Variants in CRPPA observed in about 807,000 individuals in gnomAD.
The protein encoded by CRPPA is D-ribitol-5-phosphate cytidylyltransferase.
Under a neutral mutation model 52.0 loss-of-function variants are expected in CRPPA, and 43 were observed. The ratio of observed to expected loss-of-function variants is 0.83; its 90% CI spans 0.65 to 1.07. The LOEUF (loss-of-function observed/expected upper bound fraction) is 1.07. Ranked by LOEUF, CRPPA falls within the 50% of genes least tolerant of loss-of-function variation. The pLI is 0.00. For synonymous variants in CRPPA, 250 were observed against 203.5 expected, an observed-to-expected ratio of 1.23 and a Z score of -1.94; for missense variants, 629 against 551.7, an observed-to-expected ratio of 1.14 and a Z score of -1.40.
intron 9 of CRPPA, among the ~76,000 whole-genome samples, chr7:16,136,678 C>T (rs534344144): frequency 1.6e-4 from 25 of 152,120 alleles, no homozygotes; most frequent in Non-Finnish European, 2.6e-4. Context: ...GTCTCCATTA[C>T]GTTAAGTATG....
intron 8 of CRPPA, among the ~76,000 whole-genome samples, chr7:16,217,026 G>A (rs1782344354): frequency 1.3e-5 from 2 of 151,664 alleles, no homozygotes; most frequent in African/African-American, 2.4e-5. Flanking sequence ...AACGTCTGCA[G>A]ACTTAAATGT....
rs187326274 is a variant in CRPPA, at chr7:16,277,589, T to C, written c.933+540A>G. Among the ~76,000 whole-genome samples, 244 of 152,264 alleles carry C rather than the reference T, an allele frequency of 1.6e-3. 3 individuals are homozygous for C. Among genetic ancestry groups the C allele is most frequent in the African/African-American group, 5.6e-3 (231 of 41,558 alleles). ...CATAAAAATGATTAATGGCAGTGCT[T>C]GGTGGTAAAATTATAAAGAGTTCCT... On this transcript the variant is annotated intron_variant, in intron 6 of 9. Coordinates refer to ENST00000407010, the MANE Select transcript of CRPPA (RefSeq NM_001101426.4).
chr7:16,123,593 G>T (rs4721475), intron 9 of CRPPA, among the ~76,000 whole-genome samples: 75,811 of 151,842 alleles, frequency 0.5, 19,391 homozygotes, highest in East Asian at 0.78. Context: ...CCAGTAAATA[G>T]CATGTAATAG....
chr7:16,399,466 A>T (rs1787732037), intron 2 of CRPPA, among the ~76,000 whole-genome samples: 1 of 151,818 alleles, frequency 6.6e-6, no homozygotes, highest in Non-Finnish European at 1.5e-5. Context: ...CTGATACGAG[A>T]TTGACAAGAC....
rs543251487 is a variant in CRPPA, at chr7:16,200,461, T to C, written c.1251+15605A>G. ...ACAATGATCATGTGGGAGTACTACA[T>C]GCATGATCTAAATTAAACTTTCTCT... On this transcript the variant is annotated intron_variant, in intron 9 of 9. Coordinates refer to ENST00000407010, the MANE Select transcript of CRPPA (RefSeq NM_001101426.4). Among the ~76,000 whole-genome samples, 374 of 152,312 alleles carry C rather than the reference T, an allele frequency of 2.5e-3. 3 individuals are homozygous for C. The highest frequency in any genetic ancestry group is 8.6e-3 in the African/African-American group (359 of 41,580).
intron 6 of CRPPA, among the ~76,000 whole-genome samples, chr7:16,273,910 C>T (rs1784148147): frequency 6.6e-6 from 1 of 152,144 alleles, no homozygotes; most frequent in Non-Finnish European, 1.5e-5. Context: ...GCTCCCTGTC[C>T]CATGAGAGGT....
chr7:16,378,400 G>A (rs924540490), intron 2 of CRPPA, among the ~76,000 whole-genome samples: 4 of 150,882 alleles, frequency 2.7e-5, no homozygotes, highest in Admixed American at 6.6e-5. Context: ...TGAGAATGAT[G>A]ATTTCCAATT....
intron 3 of CRPPA, among the ~76,000 whole-genome samples, chr7:16,340,212 A>G (rs1785786628): frequency 6.6e-6 from 1 of 152,116 alleles, no homozygotes; most frequent in African/African-American, 2.4e-5. Context: ...TTTAGGTAAA[A>G]CCCTAAAGGA....
chr7:16,200,114 T>A (rs1781818165), intron 9 of CRPPA, among the ~76,000 whole-genome samples: 1 of 152,144 alleles, frequency 6.6e-6, no homozygotes, highest in Non-Finnish European at 1.5e-5. Context: ...CACCTTGGCC[T>A]CCCAAAGTGC....
chr7:16,156,043 CT>C (rs1783172955), intron 9 of CRPPA, among the ~76,000 whole-genome samples: 1 of 143,116 alleles, frequency 7.0e-6, no homozygotes, highest in African/African-American at 2.6e-5. Flanking sequence ...AGGACTACAT[CT>C]TTTTTATATA....
chr7:16,333,465 A>G (rs917310684), intron 3 of CRPPA, among the ~76,000 whole-genome samples: 2 of 152,242 alleles, frequency 1.3e-5, no homozygotes, highest in Admixed American at 1.3e-4. Flanking sequence ...ACCTCTAAAT[A>G]ATACATGTGT....
rs773884120 is a variant in CRPPA, at chr7:16,258,929, A to T, written c.1017T>A (p.Val339=). ...ATTTGAATTGACTTACATTCACACA[A>T]ACAAAATTGTAGCATTGATCTAAGA... ...QIILDQCYNF[V]CVNVTTSDFQ... Residue 339 remains valine (V), a synonymous_variant, in exon 7 of 10, where the codon GTT becomes GTA. Coordinates refer to ENST00000407010, the MANE Select transcript of CRPPA (RefSeq NM_001101426.4). 6 of 1,607,902 alleles carry T rather than the reference A, an allele frequency of 3.7e-6. No homozygotes were observed. The Admixed American group carries it at 1.0e-4, about 27-fold the overall frequency.
chr7:16,222,732 T>G (rs1338704799), intron 8 of CRPPA, among the ~76,000 whole-genome samples: 6 of 152,118 alleles, frequency 3.9e-5, no homozygotes, highest in Admixed American at 3.9e-4. Context: ...CTAAGAGGGC[T>G]TTTATAGAGA....
chr7:16,203,343 G>A (rs1781899016), intron 9 of CRPPA, among the ~76,000 whole-genome samples: 1 of 152,078 alleles, frequency 6.6e-6, no homozygotes, highest in Non-Finnish European at 1.5e-5. Context: ...CCTGGATCCA[G>A]GTGTGGACAA....
chr7:16,386,569 T>C (rs991006158), intron 2 of CRPPA, among the ~76,000 whole-genome samples: 2 of 152,136 alleles, frequency 1.3e-5, no homozygotes, highest in Non-Finnish European at 2.9e-5. Context: ...GTCTATAACA[T>C]ATTGAACTGT....
chr7:16,182,305 A>T (rs1044058868), intron 9 of CRPPA, among the ~76,000 whole-genome samples: 4 of 152,106 alleles, frequency 2.6e-5, no homozygotes, highest in Non-Finnish European at 4.4e-5. Context: ...TATGAAATAT[A>T]AAAAGATTTA....
rs568139950 is a variant in CRPPA at position 16,175,255 on chromosome 7, CTAAAG to C, written c.1251+40806_1251+40810del. The stretch of plus-strand genomic sequence containing the variant: ...ATATAAACCCAAATCACAGTACTCT[CTAAAG>C]TATTCTACCTTAAAATAAGCAAAAT... On this transcript the variant is annotated intron_variant, in intron 9 of 9. Coordinates refer to ENST00000407010, the MANE Select transcript of CRPPA (RefSeq NM_001101426.4). Among the ~76,000 whole-genome samples, 179 of 152,224 alleles carry C rather than the reference CTAAAG, an allele frequency of 1.2e-3. 1 individual carries two copies. The highest frequency in any genetic ancestry group is 4.2e-3 in the African/African-American group (176 of 41,564).
At chr7:16,220,867 G>A (rs1364745257) in intron 8 of CRPPA, among the ~76,000 whole-genome samples, 3 of 152,166 alleles carry the variant, frequency 2.0e-5, no homozygotes, top group Admixed American at 2.0e-4. Context: ...CGGCCATACT[G>A]CCCAAGGTAA....
At chr7:16,275,491 A>T (rs956591135) in intron 6 of CRPPA, among the ~76,000 whole-genome samples, 2 of 152,122 alleles carry the variant, frequency 1.3e-5, no homozygotes, top group African/African-American at 4.8e-5. Context: ...TGTTATTTTG[A>T]CTCATCCCTT....
Sources: allele counts gnomAD v4.1 joint callset (sites outside exome capture counted in the v4.1 genomes callset), GRCh38; gene constraint gnomAD v4.1.1; transcripts MANE v1.5; gene names NCBI Gene and HGNC (gene_info 2026-07-23, HGNC 2026-07-21).